TMEM245: variants seen among roughly 807,000 people sequenced by gnomAD.
TMEM245 encodes the protein transmembrane protein 245.
In TMEM245, 69 loss-of-function variants were observed where a neutral mutation model predicts 101.2. That is an observed-to-expected ratio of 0.68 (90% CI 0.56 to 0.83). The LOEUF (loss-of-function observed/expected upper bound fraction) is 0.83. TMEM245 is among the 40% of genes least tolerant of loss of function. The pLI is 0.00. For missense variants in TMEM245, 1,075 were observed against 1,092.8 expected, an observed-to-expected ratio of 0.98 and a Z score of 0.23; for synonymous variants, 537 against 449.8, an observed-to-expected ratio of 1.19 and a Z score of -2.45.
Position 109,086,985 on chromosome 9 carries a change from A to G in TMEM245, c.1320+188T>C, listed in dbSNP as rs187871324. 2.5e-3 allele frequency among the ~76,000 whole-genome samples: 375 copies of G among 152,340 alleles called. 3 individuals carry two copies. Among genetic ancestry groups the G allele is most frequent in the Middle Eastern group, 0.014 (4 of 294 alleles). ...TTTATGAGGAAAAAATACTTACACA[A>G]GCCTTATTTAAAGTAAACCCATCTT... On this transcript the variant is annotated intron_variant, in intron 6 of 17. Transcript: ENST00000374586.
chr9:109,058,230 T>C (rs1244584538), intron 11 of TMEM245, among the ~76,000 whole-genome samples: 4 of 151,756 alleles, frequency 2.6e-5, no homozygotes, highest in Admixed American at 6.6e-5. Context: ...AGTCTTGATC[T>C]CCTGATCTCG....
At chr9:109,092,867 G>C (rs1303152468) in intron 4 of TMEM245, among the ~76,000 whole-genome samples, 1 of 152,118 alleles carries the variant, frequency 6.6e-6, no homozygotes, top group East Asian at 1.9e-4. Flanking sequence ...ACAGGACAAC[G>C]AGTCCAAAAC....
At chr9:109,023,617 G>A (rs1588013068) in intron 17 of TMEM245, among the ~76,000 whole-genome samples, 1 of 152,132 alleles carries the variant, frequency 6.6e-6, no homozygotes, top group South Asian at 2.1e-4. Context: ...GGTGGATCAC[G>A]AGGTCAGGAG....
intron 6 of TMEM245, 42 bp from the exon 7 acceptor site, chr9:109,086,062 A>G (rs1328475226): frequency 6.3e-7 from 1 of 1,599,986 alleles, no homozygotes; most frequent in East Asian, 2.2e-5. Context: ...AGATAAGAAC[A>G]GTGGAGTATC....
chr9:109,075,149 G>C (rs1296598312), intron 8 of TMEM245, among the ~76,000 whole-genome samples: 1 of 152,236 alleles, frequency 6.6e-6, no homozygotes, highest in Non-Finnish European at 1.5e-5. Context: ...TGAGAAAGAA[G>C]TGACTGGATT....
chr9:109,110,173 G>C (rs1389613635), intron 1 of TMEM245, among the ~76,000 whole-genome samples: 3 of 152,048 alleles, frequency 2.0e-5, no homozygotes, highest in Non-Finnish European at 4.4e-5. Context: ...TTAACCCTGG[G>C]AATTCAAAGA....
chr9:109,049,319 C>A (rs1828601019), intron 14 of TMEM245, among the ~76,000 whole-genome samples: 1 of 152,166 alleles, frequency 6.6e-6, no homozygotes, highest in South Asian at 2.1e-4. Flanking sequence ...CTCAAGCAAT[C>A]CTACCACCTC....
chr9:109,036,689 A>G (rs1828135518), intron 15 of TMEM245, among the ~76,000 whole-genome samples: 1 of 152,224 alleles, frequency 6.6e-6, no homozygotes, highest in Non-Finnish European at 1.5e-5. Flanking sequence ...ATACGGTCCT[A>G]TAAATACACC....
intron 3 of TMEM245, among the ~76,000 whole-genome samples, chr9:109,105,932 C>A (rs560917823): frequency 1.3e-5 from 2 of 152,246 alleles, no homozygotes; most frequent in African/African-American, 4.8e-5. Context: ...GCCAACCATG[C>A]CCAGCTAATT....
rs751739620 is a variant in TMEM245 at position 109,083,901 on chromosome 9, C to CAAAAAA, written c.1344+2090_1344+2095dup. Among the ~76,000 whole-genome samples the CAAAAAA allele has an allele frequency of 5.4e-3, 185 of 34,460 alleles. 38 individuals are homozygous for CAAAAAA. Among genetic ancestry groups the CAAAAAA allele is most frequent in the African/African-American group, 0.012 (106 of 8,952 alleles). 22.6% of individuals were successfully genotyped at this position (34,460 alleles called of 152,430 possible). ...CAAAACCCCATCTCTACTAAAAATA[C>CAAAAAA]AAAAAAAAAAAAAAAAAAAAAAAAA... On this transcript the variant is annotated intron_variant, in intron 7 of 17. Coordinates refer to ENST00000374586, the MANE Select transcript of TMEM245 (RefSeq NM_032012.4).
chr9:109,088,237 G>C (rs1829897619), intron 5 of TMEM245, among the ~76,000 whole-genome samples: 1 of 152,102 alleles, frequency 6.6e-6, no homozygotes, highest in South Asian at 2.1e-4. Context: ...CATGAGCTCA[G>C]TGTTACACAC....
At chr9:109,040,334 T>A (rs7855282) in intron 14 of TMEM245, among the ~76,000 whole-genome samples, 33,606 of 152,170 alleles carry the variant, frequency 0.22, 4,521 homozygotes, top group Admixed American at 0.3. Context: ...CTTTTTTATA[T>A]CAGCTTTATT....
rs1435413908 is a variant in TMEM245, at chr9:109,093,561, A to G, written c.830T>C (p.Met277Thr). Residue 277 changes from methionine to threonine, a missense_variant, in exon 4 of 18, where the codon ATG (methionine) becomes ACG (threonine). Met to Thr is a moderately conservative substitution (Grantham distance 81). Coordinates refer to ENST00000374586, the MANE Select transcript of TMEM245 (RefSeq NM_032012.4). Reference protein sequence around the residue: ...GAELPGQVISMAASTLANLAI... With the variant: ...GAELPGQVISTAASTLANLAI... ...CAAGTTTGCCAGAGTAGAAGCTGCC[A>G]TGGAGATAACCTGCCCTGGTAACTC... is the stretch of plus-strand genomic sequence containing the variant. 6.2e-7 allele frequency: 1 copy of G among 1,614,046 alleles called. No homozygotes were observed. Among genetic ancestry groups the G allele is most frequent in the East Asian group, 2.2e-5 (1 of 44,892 alleles).
Position 109,083,901 on chromosome 9 carries a change from C to CAAAAAAAAAAAAAAAAAAAAAAAAAA in TMEM245, c.1344+2070_1344+2095dup, listed in dbSNP as rs751739620. ...CAAAACCCCATCTCTACTAAAAATA[C>CAAAAAAAAAAAAAAAAAAAAAAAAAA]AAAAAAAAAAAAAAAAAAAAAAAAA... On this transcript the variant is annotated intron_variant, in intron 7 of 17. Transcript: ENST00000374586. Among the ~76,000 whole-genome samples, 24 of 34,472 alleles carry CAAAAAAAAAAAAAAAAAAAAAAAAAA rather than the reference C, an allele frequency of 7.0e-4. 6 individuals carry two copies. The highest frequency in any genetic ancestry group is 1.1e-3 in the Admixed American group (2 of 1,764). 22.6% of individuals were successfully genotyped at this position (34,472 alleles called of 152,430 possible). A position where few individuals can be genotyped will look rare whatever the true frequency, so the allele number is the denominator to read the frequency against.
At chr9:109,100,405 C>G (rs1002744470) in intron 3 of TMEM245, among the ~76,000 whole-genome samples, 1 of 152,156 alleles carries the variant, frequency 6.6e-6, no homozygotes, top group Non-Finnish European at 1.5e-5. Context: ...CTCACTGCAG[C>G]CTTGACCTCC....
intron 10 of TMEM245, among the ~76,000 whole-genome samples, chr9:109,062,529 A>G (rs1347303366): frequency 1.3e-5 from 2 of 152,254 alleles, no homozygotes; most frequent in African/African-American, 4.8e-5. Flanking sequence ...AGTTTACAAC[A>G]TCTATTTCCT....
At chr9:109,030,324 A>C (rs1588018373) in intron 17 of TMEM245, among the ~76,000 whole-genome samples, 1 of 149,406 alleles carries the variant, frequency 6.7e-6, no homozygotes, top group Admixed American at 6.6e-5. Flanking sequence ...TTTGAAAGAC[A>C]AAGGCTATAT....
intron 1 of TMEM245, among the ~76,000 whole-genome samples, chr9:109,111,377 A>C (rs530470711): frequency 1.6e-4 from 25 of 152,350 alleles, no homozygotes; most frequent in Non-Finnish European, 2.8e-4. Flanking sequence ...CAATTTATAC[A>C]GTACCTCCAA....
chr9:109,067,056 C>CAAA (rs35037428), intron 9 of TMEM245, among the ~76,000 whole-genome samples: 2 of 85,800 alleles, frequency 2.3e-5, no homozygotes, highest in African/African-American at 4.3e-5. Context: ...GACTCCATCT[C>CAAA]AAAAAAAAAA....
Sources: gnomAD v4.1 joint callset for allele counts (sites outside exome capture counted in the v4.1 genomes callset) on GRCh38, gnomAD v4.1.1 for gene constraint, MANE v1.5 for transcripts, NCBI Gene and HGNC (gene_info 2026-07-23, HGNC 2026-07-21) for gene names.